Variants in CTNND2 observed in about 807,000 individuals in gnomAD.
CTNND2 encodes the protein catenin delta-2.
In CTNND2, 22 loss-of-function variants were observed where a neutral mutation model predicts 144.4. That is an observed-to-expected ratio of 0.15 (90% confidence interval 0.11 to 0.22). CTNND2 has a LOEUF of 0.22. Among genes scored for constraint, CTNND2 ranks in the 10% least tolerant of loss-of-function variants. The probability of loss-of-function intolerance (pLI) is 1.00; values close to 1 mark genes in which losing one functional copy is unlikely to be tolerated. For missense variants in CTNND2, 1,353 were observed against 1,618.8 expected (o/e 0.84, Z 2.82); for synonymous variants, 751 against 695.6 (o/e 1.08, Z -1.25).
chr5:11,450,671 G>A (rs1418281510), intron 3 of CTNND2, among the ~76,000 whole-genome samples: 3 of 151,984 alleles, frequency 2.0e-5, no homozygotes, highest in East Asian at 1.9e-4. Context: ...AGGCCGAGGC[G>A]GGTGGATCAC....
At chr5:11,027,937 T>C (rs1438584266) in intron 16 of CTNND2, among the ~76,000 whole-genome samples, 3 of 152,238 alleles carry the variant, frequency 2.0e-5, no homozygotes, top group Middle Eastern at 3.2e-3. Flanking sequence ...TGACTTTCTG[T>C]TTCTATTTCT....
chr5:11,468,544 A>G (rs1017762196), intron 3 of CTNND2, among the ~76,000 whole-genome samples: 9 of 152,290 alleles, frequency 5.9e-5, no homozygotes, highest in Middle Eastern at 3.4e-3. Context: ...CTGTAGATAC[A>G]GTATCCAATA....
At chr5:11,138,328 C>A (rs139217415) in intron 12 of CTNND2, among the ~76,000 whole-genome samples, 1 of 152,170 alleles carries the variant, frequency 6.6e-6, no homozygotes, top group Non-Finnish European at 1.5e-5. Context: ...ACCCTATTCA[C>A]GTCTGCAAAG....
chr5:11,485,775 C>T (rs970590840), intron 3 of CTNND2, among the ~76,000 whole-genome samples: 1 of 152,028 alleles, frequency 6.6e-6, no homozygotes, highest in African/African-American at 2.4e-5. Flanking sequence ...AAACTCCAAA[C>T]AAGAAAATGA....
chr5:11,831,708 A>G (rs553770297), intron 1 of CTNND2, among the ~76,000 whole-genome samples: 1 of 152,096 alleles, frequency 6.6e-6, no homozygotes, highest in Admixed American at 6.5e-5. Context: ...TCCCCCTCAT[A>G]AATGAGAGCC....
At chr5:11,380,587 G>T (rs770772501) in intron 7 of CTNND2, among the ~76,000 whole-genome samples, 1 of 152,154 alleles carries the variant, frequency 6.6e-6, no homozygotes, top group African/African-American at 2.4e-5. Context: ...TTAAATAAAA[G>T]AAACGAAATT....
At chr5:11,755,952 T>C (rs1788910588) in intron 1 of CTNND2, among the ~76,000 whole-genome samples, 1 of 151,630 alleles carries the variant, frequency 6.6e-6, no homozygotes, top group Non-Finnish European at 1.5e-5. Context: ...CTTCAATCAT[T>C]TTAGCCTGGT....
At chr5:11,340,136 C>T (rs1345541966) in intron 9 of CTNND2, among the ~76,000 whole-genome samples, 2 of 152,122 alleles carry the variant, frequency 1.3e-5, no homozygotes, top group South Asian at 2.1e-4. Flanking sequence ...TTTAACTGTC[C>T]TCTTTACCTG....
At chr5:11,186,594 T>A (rs1735653004) in intron 11 of CTNND2, among the ~76,000 whole-genome samples, 1 of 152,198 alleles carries the variant, frequency 6.6e-6, no homozygotes, top group Non-Finnish European at 1.5e-5. Context: ...CACATCCATG[T>A]CTCCTAATCC....
rs368151081 is a variant in CTNND2, at chr5:11,355,476, C to CA, written c.1373-8850dup. Among the ~76,000 whole-genome samples, 808 of 150,714 alleles carry CA rather than the reference C, an allele frequency of 5.4e-3. 9 individuals carry two copies. The highest frequency in any genetic ancestry group is 0.019 in the African/African-American group (768 of 41,148). On this transcript the variant is annotated intron_variant, in intron 8 of 21. Transcript: ENST00000304623. ...AATTCAACATCCCTGCATGATAAAACAAAAAAAAACTCTCAACAAATTAGG... is the reference window on the plus strand; with the variant it reads ...AATTCAACATCCCTGCATGATAAAACAAAAAAAAAACTCTCAACAAATTAGG...
rs758030965 is a variant in CTNND2 at position 11,017,975 on chromosome 5, T to C, written c.3083A>G (p.Lys1028Arg). 2.4e-5 allele frequency: 39 copies of C among 1,612,568 alleles called. No homozygotes were observed. The highest frequency in any genetic ancestry group is 3.1e-5 in the Non-Finnish European group (36 of 1,178,930). Reference sequence around the variant, plus strand: ...GGGCCCAGGTGAAGCCAGCCTTACCTTTTTGTAGAGACTCCTCAGATCTCG... The same window carrying C: ...GGGCCCAGGTGAAGCCAGCCTTACCCTTTTGTAGAGACTCCTCAGATCTCG... Reference protein sequence around the residue: ...QYRDLRSLYKKDGWSQYHFVA... With the variant: ...QYRDLRSLYKRDGWSQYHFVA... The change falls in exon 18 of 22, where the codon AAG (lysine) becomes AGG (arginine). Residue 1028 changes from lysine to arginine, a missense_variant and splice_region_variant. Around this residue, in one of 4 missense-constraint regions of CTNND2, gnomAD observed 459 missense variants for 674.3 expected, o/e 0.68. Coordinates refer to ENST00000304623, the MANE Select transcript of CTNND2 (RefSeq NM_001332.4).
intron 2 of CTNND2, among the ~76,000 whole-genome samples, chr5:11,678,027 T>G (rs1318466634): frequency 1.3e-5 from 2 of 152,184 alleles, no homozygotes; most frequent in Non-Finnish European, 2.9e-5. Context: ...ACTTCCTTCC[T>G]GATAGTAGGA....
At chr5:11,618,929 C>T (rs1780704749) in intron 2 of CTNND2, among the ~76,000 whole-genome samples, 1 of 152,144 alleles carries the variant, frequency 6.6e-6, no homozygotes, top group African/African-American at 2.4e-5. Context: ...AAACCATATT[C>T]TGTTTACCTC....
chr5:11,813,755 C>A (rs947201873), intron 1 of CTNND2, among the ~76,000 whole-genome samples: 2 of 152,206 alleles, frequency 1.3e-5, no homozygotes, highest in African/African-American at 4.8e-5. Flanking sequence ...CTCAAGCGAT[C>A]CTTCAGCCTC....
At chr5:11,381,113 C>CTTGAGTTCTTTTTCTCT (rs1758439630) in intron 7 of CTNND2, among the ~76,000 whole-genome samples, 1 of 152,144 alleles carries the variant, frequency 6.6e-6, no homozygotes, top group African/African-American at 2.4e-5. Context: ...ATCTCAGTGG[C>CTTGAGTTCTTTTTCTCT]TACACCTTAT....
chr5:11,773,834 A>G (rs570140159), intron 1 of CTNND2, among the ~76,000 whole-genome samples: 1 of 151,764 alleles, frequency 6.6e-6, no homozygotes, highest in East Asian at 1.9e-4. Flanking sequence ...AAAAAAGCAT[A>G]CAACAAACAT....
chr5:10,977,845 C>G (rs1450755172), intron 21 of CTNND2, among the ~76,000 whole-genome samples: 1 of 152,188 alleles, frequency 6.6e-6, no homozygotes, highest in Non-Finnish European at 1.5e-5. Flanking sequence ...ATTGTTTCTT[C>G]TAGGAGGCTT....
intron 7 of CTNND2, among the ~76,000 whole-genome samples, chr5:11,375,062 G>T (rs905265597): frequency 2.0e-5 from 3 of 152,062 alleles, no homozygotes; most frequent in African/African-American, 7.2e-5. Context: ...ACATGTAAAC[G>T]AAGATGTTTT....
intron 3 of CTNND2, among the ~76,000 whole-genome samples, chr5:11,432,896 T>G (rs1354403400): frequency 2.6e-5 from 4 of 152,218 alleles, no homozygotes; most frequent in East Asian, 3.9e-4. Context: ...GGGAGTATAT[T>G]TACTCCACAT....
Sources: allele counts gnomAD v4.1 joint callset (sites outside exome capture counted in the v4.1 genomes callset), GRCh38; gene constraint gnomAD v4.1.1; regional missense constraint gnomAD v4.1.1; transcripts MANE v1.5; gene names NCBI Gene and HGNC (gene_info 2026-07-23, HGNC 2026-07-21).